FCRL1: variants seen among roughly 807,000 people sequenced by gnomAD.
The protein encoded by FCRL1 is Fc receptor-like protein 1.
FCRL1 carries 34 observed loss-of-function variants against 49.2 expected under a neutral mutation model. The ratio of observed to expected loss-of-function variants is 0.69; its 90% confidence interval spans 0.53 to 0.92. The LOEUF is 0.92. Among genes scored for constraint, FCRL1 ranks in the 40% least tolerant of loss-of-function variants. The probability of loss-of-function intolerance (pLI) is 0.00; values close to 1 mark genes in which losing one functional copy is unlikely to be tolerated. For synonymous variants in FCRL1, 218 were observed against 201.6 expected, an observed-to-expected ratio of 1.08 and a Z score of -0.69; for missense variants, 524 against 524.1, an observed-to-expected ratio of 1.00 and a Z score of 0.00.
At position 157,800,099 on chromosome 1, in the gene FCRL1, A is replaced by T. The variant is rs1250629932; in HGVS notation, c.1004-14T>A. ...CTGAACGTCTTCCTGAAAGAAAAACAAATGAGCATACACATAAATGGAAGA... is the reference window on the plus strand; with the variant it reads ...CTGAACGTCTTCCTGAAAGAAAAACTAATGAGCATACACATAAATGGAAGA... On this transcript the variant is annotated splice_polypyrimidine_tract_variant and intron_variant, in intron 6 of 10. Coordinates refer to ENST00000368176, the MANE Select transcript of FCRL1 (RefSeq NM_052938.5). 1 of 1,613,084 alleles carries T rather than the reference A, an allele frequency of 6.2e-7. No homozygotes were observed. Among genetic ancestry groups the T allele is most frequent in the Non-Finnish European group, 8.5e-7 (1 of 1,179,280 alleles).
rs563186056 is a variant in FCRL1, at chr1:157,813,596, C to T, written c.31+6411G>A. ...AAGAAAGCCTACAGGACTTATGGGACACCATTAAGTGGGCAAATATTTGTA... is the reference window on the plus strand; with the variant it reads ...AAGAAAGCCTACAGGACTTATGGGATACCATTAAGTGGGCAAATATTTGTA... On this transcript the variant is annotated intron_variant, in intron 1 of 10. Coordinates refer to ENST00000368176, the MANE Select transcript of FCRL1 (RefSeq NM_052938.5). Among the ~76,000 whole-genome samples, 3 of 152,124 alleles carry T rather than the reference C, an allele frequency of 2.0e-5. No individual in the cohort carries two copies. In the East Asian group the frequency reaches 5.8e-4, roughly 29 times the overall value.
intron 1 of FCRL1, among the ~76,000 whole-genome samples, chr1:157,815,653 T>C (rs1654924065): frequency 6.6e-6 from 1 of 151,346 alleles, no homozygotes; most frequent in Non-Finnish European, 1.5e-5. Context: ...ATACAAAAGA[T>C]CAATGAAATG....
At chr1:157,807,230 C>T (rs193041479) in intron 1 of FCRL1, 108 bp from the exon 2 acceptor site, 5 of 1,142,892 alleles carry the variant, frequency 4.4e-6, no homozygotes, top group Admixed American at 4.5e-5. Context: ...ATCCCCTGGA[C>T]CCTCCCTGCA....
In FCRL1 at chr1:157,796,119, C is replaced by T; in HGVS notation, c.1270G>A (p.Asp424Asn). The change falls in exon 11 of 11, where the codon GAC (aspartate) becomes AAC (asparagine). Residue 424 changes from aspartate (D) to asparagine (N), a missense_variant. Asp to Asn is a conservative substitution (Grantham distance 23). Coordinates refer to ENST00000368176, the MANE Select transcript of FCRL1 (RefSeq NM_052938.5). ...TAACCTTACATAGCATCTTCATAGT[C>T]CACATCTGTAATGTTTGCTTTCCTC... ...RLRKANITDVDYEDAM is the reference protein window; with the variant it reads ...RLRKANITDVNYEDAM The T allele has an allele frequency of 6.2e-7, 1 of 1,613,980 alleles. No homozygotes were observed. Among genetic ancestry groups the T allele is most frequent in the Non-Finnish European group, 8.5e-7 (1 of 1,179,898 alleles).
At chr1:157,813,316 T>A (rs750875592) in intron 1 of FCRL1, among the ~76,000 whole-genome samples, 13 of 152,218 alleles carry the variant, frequency 8.5e-5, no homozygotes, top group Admixed American at 6.5e-5. Context: ...GAAACTCACT[T>A]ATAAGAGAAT....
In FCRL1 at chr1:157,794,566, A is replaced by G. The variant is rs1240950728; in HGVS notation, c.*1533T>C. The G allele has an allele frequency of 6.6e-6, 1 of 152,226 alleles. No homozygotes were observed. Among genetic ancestry groups the G allele is most frequent in the Non-Finnish European group, 1.5e-5 (1 of 68,046 alleles). The allele number at this position is 152,226 out of a possible 1,614,324, so 9.4% of individuals were successfully genotyped here. The stretch of plus-strand genomic sequence containing the variant: ...TTTAACAAGAATATTTAATATGCAT[A>G]ATCTAGCAATACTAGATTTACAAAT... On this transcript the variant is annotated 3_prime_UTR_variant, in exon 11 of 11. Coordinates refer to ENST00000368176, the MANE Select transcript of FCRL1 (RefSeq NM_052938.5).
chr1:157,803,778 T>G, intron 3 of FCRL1, 67 bp downstream of exon 3: 3 of 1,560,922 alleles, frequency 1.9e-6, no homozygotes, highest in Non-Finnish European at 2.6e-6. Flanking sequence ...CCCATAACAG[T>G]GAGGATTAGC....
In FCRL1 at chr1:157,807,309, C is replaced by A. The variant is rs1304343823; in HGVS notation, c.32-187G>T. On this transcript the variant is annotated intron_variant, in intron 1 of 10. Transcript: ENST00000368176. The stretch of plus-strand genomic sequence containing the variant: ...TCCTTCTTTCATCTTCTCTTCCTCC[C>A]TCCTTATCTTACCCCTGCTTCTTTT... 3.3e-5 allele frequency among the ~76,000 whole-genome samples: 5 copies of A among 151,988 alleles called. No individual in the cohort carries two copies. The East Asian group carries it at 5.8e-4, about 18-fold the overall frequency.
chr1:157,818,008 A>G (rs1474404173), intron 1 of FCRL1, among the ~76,000 whole-genome samples: 1 of 152,190 alleles, frequency 6.6e-6, no homozygotes, highest in Non-Finnish European at 1.5e-5. Flanking sequence ...AAAGATAACT[A>G]GTATTGTCAA....
rs1348161376 is a variant in FCRL1, at chr1:157,798,043, T to C, written c.1115-104A>G. ...ACAGCCATGAAGACAGATGAGTCAT[T>C]TGTTTGTAGCAGAGGCTAGGGCACA... On this transcript the variant is annotated intron_variant, in intron 8 of 10. Transcript: ENST00000368176. 25 of 1,501,754 alleles carry C rather than the reference T, an allele frequency of 1.7e-5. 2 individuals carry two copies. Among genetic ancestry groups the C allele is most frequent in the Non-Finnish European group, 2.3e-5 (25 of 1,081,136 alleles). 93.0% of individuals were successfully genotyped at this position (1,501,754 alleles called of 1,614,324 possible). A position where few individuals can be genotyped will look rare whatever the true frequency, so the allele number is the denominator to read the frequency against.
chr1:157,800,157 ACCCC>A (rs1652203680), intron 6 of FCRL1, 72 bp from the exon 7 acceptor site: 3 of 1,473,994 alleles, frequency 2.0e-6, no homozygotes, highest in Admixed American at 1.7e-5. Flanking sequence ...GTGTTTTCAT[ACCCC>A]CTGCACAGGG....
chr1:157,809,975 T>A (rs933716356), intron 1 of FCRL1, among the ~76,000 whole-genome samples: 1 of 151,068 alleles, frequency 6.6e-6, no homozygotes, highest in African/African-American at 2.5e-5. Context: ...AGATACTGAA[T>A]TAGAAAGAAA....
chr1:157,816,923 TAAA>T (rs1408295284), intron 1 of FCRL1, among the ~76,000 whole-genome samples: 1 of 151,796 alleles, frequency 6.6e-6, no homozygotes, highest in Non-Finnish European at 1.5e-5. Flanking sequence ...TATAAAATAA[TAAA>T]ATACTTAGGA....
chr1:157,797,126 G>A lies in FCRL1; in HGVS notation c.1193C>T (p.Thr398Ile). The change falls in exon 10 of 11, where the codon ACC becomes ATC. Residue 398 changes from threonine to isoleucine, a missense_variant. By Grantham distance (89) the Thr-to-Ile change is moderately conservative. Coordinates refer to ENST00000368176, the MANE Select transcript of FCRL1 (RefSeq NM_052938.5). ...CTTGTCCTCCATATGTGTCCCCAGG[G>A]TTTCTGCTGTGGAGAAAAGACAAGT... ...QPEQESVAAE[T>I]LGTHMEDKVS... 1 of 1,613,868 alleles carries A rather than the reference G, an allele frequency of 6.2e-7. No individual in the cohort carries two copies. The highest frequency in any genetic ancestry group is 8.5e-7 in the Non-Finnish European group (1 of 1,179,802).
At chr1:157,804,257 A>AG in intron 2 of FCRL1, 146 bp from the exon 3 acceptor site, 1 of 818,554 alleles carries the variant, frequency 1.2e-6, no homozygotes, top group Non-Finnish European at 1.8e-6. Flanking sequence ...CCCCCCCCCC[A>AG]GTGGCCCATG....
intron 1 of FCRL1, among the ~76,000 whole-genome samples, chr1:157,810,874 A>G (rs1004757760): frequency 5.9e-5 from 9 of 152,162 alleles, no homozygotes; most frequent in African/African-American, 2.2e-4. Context: ...TCCTGGGCTC[A>G]AGTGATCCTC....
chr1:157,810,590 C>T (rs749899740), intron 1 of FCRL1, among the ~76,000 whole-genome samples: 1 of 152,046 alleles, frequency 6.6e-6, no homozygotes, highest in Non-Finnish European at 1.5e-5. Flanking sequence ...AGCCACTGCA[C>T]CCAGCCGGGA....
Position 157,796,979 on chromosome 1 carries a change from T to G in FCRL1, c.1218+122A>C, listed in dbSNP as rs61001302. On this transcript the variant is annotated intron_variant, in intron 10 of 10. Coordinates refer to ENST00000368176, the MANE Select transcript of FCRL1 (RefSeq NM_052938.5). ...TGTTTTTACCTCCATTGCTTTGGGA[T>G]GTAGGGAAGAGGTAGACCATGGGAT... 0.01 allele frequency: 8,813 copies of G among 858,312 alleles called. 490 individuals carry two copies. The African/African-American group carries it at 0.13, about 12-fold the overall frequency. The allele number at this position is 858,312 out of a possible 1,614,324, so 53.2% of individuals were successfully genotyped here.
intron 10 of FCRL1, among the ~76,000 whole-genome samples, chr1:157,796,529 T>C (rs937206819): frequency 6.6e-6 from 1 of 152,248 alleles, no homozygotes; most frequent in African/African-American, 2.4e-5. Context: ...ATTTGAATTT[T>C]GTTCTGAGAT....
Sources: gnomAD v4.1 joint callset for allele counts (sites outside exome capture counted in the v4.1 genomes callset) on GRCh38, gnomAD v4.1.1 for gene constraint, MANE v1.5 for transcripts, NCBI Gene and HGNC (gene_info 2026-07-23, HGNC 2026-07-21) for gene names.